Variants in DIAPH2 observed in about 807,000 individuals in gnomAD.
DIAPH2 encodes the protein diaphanous related formin 2, also known as protein diaphanous homolog 2.
In DIAPH2, 35 loss-of-function variants were observed where a neutral mutation model predicts 92.7. The observed-to-expected ratio is 0.38, with a 90% CI of 0.29 to 0.50. The LOEUF is 0.50. DIAPH2 is among the 20% of genes least tolerant of loss of function. The pLI, the probability that DIAPH2 is intolerant of heterozygous loss-of-function variation, is 0.94. For synonymous variants in DIAPH2, 301 were observed against 280.4 expected (o/e 1.07, Z -0.73); for missense variants, 701 against 819.5 (o/e 0.86, Z 1.77).
chrX:97,084,867 A>G (rs2066772574), intron 19 of DIAPH2, among the ~76,000 whole-genome samples: 1 of 111,838 alleles, frequency 8.9e-6, no homozygotes, highest in African/African-American at 3.2e-5. Context: ...TATTCTATAG[A>G]TTTTTAAATA....
chrX:97,023,028 A>G (rs1284297355), intron 17 of DIAPH2, among the ~76,000 whole-genome samples: 1 of 111,985 alleles, frequency 8.9e-6, no homozygotes, highest in Non-Finnish European at 1.9e-5. Flanking sequence ...CAGCCTGGGT[A>G]AAAGAGTGAA....
At chrX:96,965,644 T>G (rs1384541126) in intron 17 of DIAPH2, among the ~76,000 whole-genome samples, 1 of 111,502 alleles carries the variant, frequency 9.0e-6, no homozygotes, top group Admixed American at 9.6e-5. Flanking sequence ...TTGTATTACT[T>G]ATCAATTTGG....
chrX:97,469,409 A>G (rs999318688), intron 26 of DIAPH2, among the ~76,000 whole-genome samples: 2 of 111,912 alleles, frequency 1.8e-5, no homozygotes, highest in African/African-American at 6.5e-5. Flanking sequence ...GAAACAAGCA[A>G]GAATGCAGCT....
In DIAPH2 at chrX:96,937,481, C is replaced by T. The variant is rs1427338907; in HGVS notation, c.1208+130C>T. ...TATATCCATTTATTTATATTAGAAC[C>T]TTACTATGATGCTGTCCTTGAGATT... On this transcript the variant is annotated intron_variant, in intron 11 of 26. Coordinates refer to ENST00000324765, the MANE Select transcript of DIAPH2 (RefSeq NM_006729.5). 18 of 369,777 alleles carry T rather than the reference C, an allele frequency of 4.9e-5. No individual in the cohort carries two copies. The Middle Eastern group carries it at 1.7e-3, about 35-fold the overall frequency. 30.5% of individuals were successfully genotyped at this position (369,777 alleles called of 1,213,427 possible).
chrX:96,971,670 C>T (rs765602581), intron 17 of DIAPH2, among the ~76,000 whole-genome samples: 74 of 111,363 alleles, frequency 6.6e-4, no homozygotes, highest in Middle Eastern at 4.6e-3. Context: ...TATTTTCATT[C>T]CTCTTAACGT....
chrX:96,787,391 T>C (rs763904258), intron 4 of DIAPH2, among the ~76,000 whole-genome samples: 2 of 111,032 alleles, frequency 1.8e-5, no homozygotes, highest in South Asian at 7.7e-4. Flanking sequence ...AAAAAAATCA[T>C]GGGTGATTTT....
At chrX:96,710,540 T>C (rs2062719399) in intron 1 of DIAPH2, among the ~76,000 whole-genome samples, 1 of 111,525 alleles carries the variant, frequency 9.0e-6, no homozygotes, top group Non-Finnish European at 1.9e-5. Flanking sequence ...TTTTCATGGA[T>C]AATAAAGAAA....
intron 17 of DIAPH2, among the ~76,000 whole-genome samples, chrX:97,040,342 C>T (rs772383449): frequency 1.8e-5 from 2 of 110,571 alleles, no homozygotes; most frequent in Non-Finnish European, 3.8e-5. Context: ...TGTAGAGAAA[C>T]ATATTATTCC....
At chrX:97,516,196 A>T (rs5921841) in intron 26 of DIAPH2, among the ~76,000 whole-genome samples, 48,296 of 108,779 alleles carry the variant, frequency 0.44, 9,238 homozygotes, top group Non-Finnish European at 0.59. Flanking sequence ...TGGAGGTTGC[A>T]GTGAGCCGAG....
chrX:97,163,276 A>T (rs954545891), intron 22 of DIAPH2, among the ~76,000 whole-genome samples: 1 of 110,686 alleles, frequency 9.0e-6, no homozygotes, highest in African/African-American at 3.3e-5. Context: ...GTCTCAAGAG[A>T]TCCTCTACCC....
chrX:97,217,933 G>A (rs1488524471), intron 22 of DIAPH2, among the ~76,000 whole-genome samples: 2 of 110,814 alleles, frequency 1.8e-5, no homozygotes, highest in South Asian at 3.9e-4. Flanking sequence ...GCAACAGAGC[G>A]ATATGCCATC....
intron 10 of DIAPH2, 90 bp downstream of exon 10, chrX:96,930,933 G>A: frequency 1.0e-6 from 1 of 980,713 alleles, no homozygotes; most frequent in Non-Finnish European, 1.3e-6. Context: ...AAATAAATGT[G>A]CTTTGCTATT....
At chrX:97,204,640 A>C (rs995804882) in intron 22 of DIAPH2, among the ~76,000 whole-genome samples, 3 of 111,480 alleles carry the variant, frequency 2.7e-5, no homozygotes. Flanking sequence ...CTTCAAGGAG[A>C]ACTACAAACC....
chrX:96,838,432 T>C (rs1047038804), intron 4 of DIAPH2, among the ~76,000 whole-genome samples: 1 of 112,243 alleles, frequency 8.9e-6, no homozygotes, highest in African/African-American at 3.2e-5. Flanking sequence ...AACATTTTCA[T>C]GATGCCAAAA....
chrX:96,815,647 C>T (rs949831098), intron 4 of DIAPH2, among the ~76,000 whole-genome samples: 6 of 111,295 alleles, frequency 5.4e-5, no homozygotes, highest in Admixed American at 9.5e-5. Context: ...TGTTCCTATT[C>T]GGCCATCTTG....
At chrX:96,988,003 T>A (rs1164175699) in intron 17 of DIAPH2, among the ~76,000 whole-genome samples, 1 of 110,698 alleles carries the variant, frequency 9.0e-6, no homozygotes, top group African/African-American at 3.3e-5. Flanking sequence ...TCAAGAAGTA[T>A]GTAGCAAACA....
At chrX:96,721,823 C>T (rs1276786463) in intron 1 of DIAPH2, among the ~76,000 whole-genome samples, 1 of 110,961 alleles carries the variant, frequency 9.0e-6, no homozygotes, top group Non-Finnish European at 1.9e-5. Flanking sequence ...CCTTGGTTTC[C>T]TAATCAGAAA....
intron 4 of DIAPH2, among the ~76,000 whole-genome samples, chrX:96,853,705 A>G (rs957814883): frequency 8.9e-6 from 1 of 112,036 alleles, no homozygotes; most frequent in African/African-American, 3.2e-5. Context: ...AAGCATTATG[A>G]ATATAATATT....
intron 23 of DIAPH2, among the ~76,000 whole-genome samples, chrX:97,322,210 G>A (rs1337995957): frequency 8.9e-6 from 1 of 112,220 alleles, no homozygotes; most frequent in Non-Finnish European, 1.9e-5. Flanking sequence ...ATACTTTTAG[G>A]ACAGAAAATA....
Sources: allele counts gnomAD v4.1 joint callset (sites outside exome capture counted in the v4.1 genomes callset), GRCh38; gene constraint gnomAD v4.1.1; transcripts MANE v1.5; gene names NCBI Gene and HGNC (gene_info 2026-07-23, HGNC 2026-07-21).